CELSR1: variants seen among roughly 807,000 people sequenced by gnomAD.
CELSR1 encodes the protein cadherin EGF LAG seven-pass G-type receptor 1.
Under a neutral mutation model 249.1 loss-of-function variants are expected in CELSR1, and 110 were observed. The observed-to-expected ratio is 0.44, with a 90% CI of 0.38 to 0.52. The LOEUF is 0.52. CELSR1 is among the 20% of genes least tolerant of loss of function. The pLI, the probability that CELSR1 is intolerant of heterozygous loss-of-function variation, is 0.00. For synonymous variants in CELSR1, 2,113 were observed against 1,900.0 expected, an observed-to-expected ratio of 1.11 and a Z score of -2.92; for missense variants, 4,109 against 4,296.4, an observed-to-expected ratio of 0.96 and a Z score of 1.22.
At chr22:46,457,940 G>A (rs1189369286) in intron 2 of CELSR1, among the ~76,000 whole-genome samples, 3 of 152,380 alleles carry the variant, frequency 2.0e-5, no homozygotes, top group Admixed American at 6.5e-5. Flanking sequence ...TCTGGCCTAC[G>A]TGGAGGGGCG....
intron 1 of CELSR1, among the ~76,000 whole-genome samples, chr22:46,505,927 C>T (rs2080510148): frequency 6.6e-6 from 1 of 152,094 alleles, no homozygotes; most frequent in South Asian, 2.1e-4. Flanking sequence ...GCCTGTAATC[C>T]CAGCACTTTG....
rs1426612674 is a variant in CELSR1, at chr22:46,436,794, G to A, written c.4407-505C>T. ...CCAAACACAGGTCAAAAAGACCCCA[G>A]GGCCTTTGCACCAGCTGCCCCCTAT... On this transcript the variant is annotated intron_variant, in intron 3 of 34. Transcript: ENST00000674500. The surrounding 1 kb of genome is among the most constrained non-coding windows in gnomAD (Gnocchi z 5.9). Among the ~76,000 whole-genome samples the A allele has an allele frequency of 6.6e-6, 1 of 152,098 alleles. No homozygotes were observed. Among genetic ancestry groups the A allele is most frequent in the East Asian group, 1.9e-4 (1 of 5,176 alleles).
chr22:46,408,335 G>GGCA lies in CELSR1; in HGVS notation c.5226+660_5226+661insTGC, dbSNP rs1365524430. Among the ~76,000 whole-genome samples the GGCA allele has an allele frequency of 1.3e-5, 2 of 152,132 alleles. No homozygotes were observed. Among genetic ancestry groups the GGCA allele is most frequent in the African/African-American group, 4.8e-5 (2 of 41,436 alleles). ...CGTGCATTGGTGCCAACCACCACCT[G>GGCA]GCTGTGGCTTTTTGAGATGGAGTCT... On this transcript the variant is annotated intron_variant, in intron 9 of 34. Transcript: ENST00000674500. The surrounding 1 kb of genome is among the most constrained non-coding windows in gnomAD (Gnocchi z 4.6).
Position 46,433,513 on chromosome 22 carries a change from A to G in CELSR1, c.4523-32T>C. On this transcript the variant is annotated intron_variant, in intron 4 of 34. Transcript: ENST00000674500. The surrounding 1 kb of genome is among the most constrained non-coding windows in gnomAD (Gnocchi z 5.7). ...GGTGGGAGGGAGACCCAGAGAGAAA[A>G]CAGGGGTTGGCGGGGCCTACTGGGG... The G allele has an allele frequency of 6.3e-7, 1 of 1,590,584 alleles. No homozygotes were observed. Among genetic ancestry groups the G allele is most frequent in the Non-Finnish European group, 8.6e-7 (1 of 1,161,696 alleles).
At chr22:46,431,590 T>C (rs928292235) in intron 5 of CELSR1, among the ~76,000 whole-genome samples, 6 of 152,202 alleles carry the variant, frequency 3.9e-5, no homozygotes, top group Admixed American at 1.3e-4. Flanking sequence ...CCAGGGGGCA[T>C]TGAGCTCTGG....
intron 5 of CELSR1, among the ~76,000 whole-genome samples, chr22:46,424,785 C>A (rs192146741): frequency 7.2e-5 from 11 of 152,282 alleles, no homozygotes; most frequent in Admixed American, 6.5e-4. Flanking sequence ...CCAGCCTGAC[C>A]AACATGGTGA....
At position 46,381,761 on chromosome 22, in the gene CELSR1, T is replaced by TGATCAG; in HGVS notation, c.7088+79_7088+84dup. 1.6e-6 allele frequency: 2 copies of TGATCAG among 1,252,572 alleles called. No homozygotes were observed. Among genetic ancestry groups the TGATCAG allele is most frequent in the East Asian group, 2.6e-5 (1 of 39,156 alleles). 77.6% of individuals were successfully genotyped at this position (1,252,572 alleles called of 1,614,324 possible). ...AAATGTCACTGTGAAGACCTGTGCT[T>TGATCAG]GATCAGGATCAGGATTTTGACCTGT... On this transcript the variant is annotated intron_variant, in intron 21 of 34. Transcript: ENST00000674500. The surrounding 1 kb of genome is among the most constrained non-coding windows in gnomAD (Gnocchi z 6.0).
chr22:46,366,483 G>GA lies in CELSR1; in HGVS notation c.8206-4dup, dbSNP rs1569104268. Reference sequence around the variant, plus strand: ...GTGGTGTTGCAGTTGAGGGAGCGCTGAAGGGAGGGGAGGGGCTGGTCACTG... The same window carrying GA: ...GTGGTGTTGCAGTTGAGGGAGCGCTGAAAGGGAGGGGAGGGGCTGGTCACTG... On this transcript the variant is annotated splice_polypyrimidine_tract_variant and splice_region_variant and intron_variant, in intron 29 of 34. Transcript: ENST00000674500. 6.5e-7 allele frequency: 1 copy of GA among 1,549,438 alleles called. No individual in the cohort carries two copies. The highest frequency in any genetic ancestry group is 8.7e-7 in the Non-Finnish European group (1 of 1,145,938).
chr22:46,370,632 C>A (rs1569108432), intron 25 of CELSR1, among the ~76,000 whole-genome samples: 2 of 152,170 alleles, frequency 1.3e-5, no homozygotes, highest in Non-Finnish European at 2.9e-5. Context: ...CTTGCCCCAC[C>A]CTGGCCTAGG....
chr22:46,508,185 C>CCCACTCTCG (rs1000662277), intron 1 of CELSR1, among the ~76,000 whole-genome samples: 1 of 152,098 alleles, frequency 6.6e-6, no homozygotes, highest in South Asian at 2.1e-4. Context: ...CCCCCTCCCA[C>CCCACTCTCG]CCACTCTCGC....
Position 46,380,963 on chromosome 22 carries a change from C to A in CELSR1, c.7089-8G>T. The A allele has an allele frequency of 6.2e-7, 1 of 1,610,290 alleles. No homozygotes were observed. Among genetic ancestry groups the A allele is most frequent in the South Asian group, 1.1e-5 (1 of 90,982 alleles). On this transcript the variant is annotated splice_polypyrimidine_tract_variant and splice_region_variant and intron_variant, in intron 21 of 34. Coordinates refer to ENST00000674500, the MANE Select transcript of CELSR1 (RefSeq NM_001378328.1). This position sits in a 1 kb window ranked among gnomAD's most constrained non-coding sequence, Gnocchi z 5.1. ...ATGGGCCGGTGAGGCAACCTGAGGT[C>A]AAGAAGCCAGAGCATGGGGACAAAC...
intron 9 of CELSR1, 113 bp from the exon 10 acceptor site, chr22:46,400,015 G>C: frequency 8.9e-7 from 1 of 1,125,634 alleles, no homozygotes; most frequent in Non-Finnish European, 1.3e-6. Flanking sequence ...TGTGGCACCA[G>C]ATACAAGATA....
chr22:46,524,976 A>G (rs1411310543), intron 1 of CELSR1, among the ~76,000 whole-genome samples: 1 of 152,024 alleles, frequency 6.6e-6, no homozygotes, highest in Non-Finnish European at 1.5e-5. Flanking sequence ...CTCATTCCAG[A>G]AATAATCCAC....
rs543261649 is a variant in CELSR1 at position 46,473,474 on chromosome 22, C to T, written c.3545-9129G>A. Among the ~76,000 whole-genome samples, 2 of 152,218 alleles carry T rather than the reference C, an allele frequency of 1.3e-5. No individual in the cohort carries two copies. Among genetic ancestry groups the T allele is most frequent in the South Asian group, 2.1e-4 (1 of 4,814 alleles). On this transcript the variant is annotated intron_variant, in intron 1 of 34. Coordinates refer to ENST00000674500, the MANE Select transcript of CELSR1 (RefSeq NM_001378328.1). This position sits in a 1 kb window ranked among gnomAD's most constrained non-coding sequence, Gnocchi z 6.6. The stretch of plus-strand genomic sequence containing the variant: ...AGGCAGCTGGAGACGCAGCCAGTGC[C>T]GGGCAGGAACCAGGGGCCACTTATT...
intron 2 of CELSR1, among the ~76,000 whole-genome samples, chr22:46,459,165 G>A (rs1283375335): frequency 6.6e-6 from 1 of 152,202 alleles, no homozygotes; most frequent in Non-Finnish European, 1.5e-5. Context: ...TGGGATTACA[G>A]ATGTGAGCCA....
chr22:46,483,552 T>C (rs1370582541), intron 1 of CELSR1, among the ~76,000 whole-genome samples: 1 of 152,168 alleles, frequency 6.6e-6, no homozygotes, highest in Non-Finnish European at 1.5e-5. Context: ...TCTATGTGCT[T>C]TGGTTTCCTC....
At chr22:46,368,596 G>T (rs565089513) in intron 27 of CELSR1, among the ~76,000 whole-genome samples, 3 of 150,150 alleles carry the variant, frequency 2.0e-5, no homozygotes, top group Non-Finnish European at 2.9e-5. Context: ...GGTCACCAGG[G>T]GCTGGCCTTG....
intron 1 of CELSR1, among the ~76,000 whole-genome samples, chr22:46,479,697 G>C (rs1178043102): frequency 6.6e-6 from 1 of 151,892 alleles, no homozygotes; most frequent in Admixed American, 6.6e-5. Flanking sequence ...TCACAGCCGG[G>C]AAGCAGCAAA....
Position 46,535,892 on chromosome 22 carries a change from C to T in CELSR1, c.1279G>A (p.Val427Met). ...REEAAEYQLL[V>M]EANDQGRNPG... The stretch of plus-strand genomic sequence containing the variant: ...TTGCGCCCCTGGTCGTTGGCCTCCA[C>T]CAGGAGCTGGTACTCGGCCGCCTCC... The change falls in exon 1 of 35, where the codon GTG becomes ATG. Residue 427 changes from valine (V) to methionine (M), a missense_variant. By Grantham distance (21) the Val-to-Met change is conservative. This residue lies in a region of CELSR1 where 673 missense variants were observed against 636.8 expected (regional missense o/e 1.06). Coordinates refer to ENST00000674500, the MANE Select transcript of CELSR1 (RefSeq NM_001378328.1). 1.2e-6 allele frequency: 2 copies of T among 1,609,876 alleles called. No individual in the cohort carries two copies. The highest frequency in any genetic ancestry group is 1.7e-6 in the Non-Finnish European group (2 of 1,179,462).
Sources: allele counts gnomAD v4.1 joint callset (sites outside exome capture counted in the v4.1 genomes callset), GRCh38; gene constraint gnomAD v4.1.1; regional missense constraint gnomAD v4.1.1; non-coding constraint Gnocchi (gnomAD v3.1); transcripts MANE v1.5; gene names NCBI Gene and HGNC (gene_info 2026-07-23, HGNC 2026-07-21).